The following PAM variants were observed in gnomAD, a reference collection of about 807,000 sequenced individuals.
PAM encodes the protein peptidyl-glycine alpha-amidating monooxygenase.
Under a neutral mutation model 122.1 loss-of-function variants are expected in PAM, and 72 were observed. That is an observed-to-expected ratio of 0.59 (90% CI 0.49 to 0.72). The LOEUF is 0.72. Ranked by LOEUF, PAM falls within the 30% of genes least tolerant of loss-of-function variation. The pLI is 0.00. For synonymous variants in PAM, 389 were observed against 404.4 expected (o/e 0.96, Z 0.46); for missense variants, 1,106 against 1,183.7 (o/e 0.93, Z 0.96).
intron 14 of PAM, among the ~76,000 whole-genome samples, chr5:102,966,293 G>A (rs941779273): frequency 2.6e-5 from 4 of 152,014 alleles, no homozygotes; most frequent in African/African-American, 4.8e-5. Flanking sequence ...TCCTAATAAC[G>A]GAATAGGCAG....
At chr5:102,839,551 A>G (rs1247209287) in intron 1 of PAM, among the ~76,000 whole-genome samples, 1 of 151,814 alleles carries the variant, frequency 6.6e-6, no homozygotes, top group East Asian at 1.9e-4. Flanking sequence ...AAAAAAAAAA[A>G]AAAAAATTGT....
chr5:102,978,682 C>A (rs1297319576), intron 15 of PAM, among the ~76,000 whole-genome samples: 3 of 151,974 alleles, frequency 2.0e-5, no homozygotes, highest in Non-Finnish European at 4.4e-5. Context: ...GTTTTTTCTT[C>A]ATTTCTATGA....
chr5:102,965,138 T>G (rs1763672975), intron 14 of PAM, among the ~76,000 whole-genome samples: 1 of 145,908 alleles, frequency 6.9e-6, no homozygotes, highest in African/African-American at 2.5e-5. Flanking sequence ...AATGAGGAAG[T>G]TCACACTGAT....
chr5:102,900,930 T>C (rs1277789392), intron 3 of PAM, among the ~76,000 whole-genome samples: 2 of 151,654 alleles, frequency 1.3e-5, no homozygotes, highest in East Asian at 3.9e-4. Flanking sequence ...TTTTATTCAT[T>C]GTACTTCTCT....
intron 4 of PAM, among the ~76,000 whole-genome samples, chr5:102,912,063 T>C (rs1330615110): frequency 6.6e-6 from 1 of 152,082 alleles, no homozygotes; most frequent in Non-Finnish European, 1.5e-5. Flanking sequence ...CCTGAATTTT[T>C]AGCGGGTGCT....
rs554308412 is a variant in PAM, at chr5:102,843,634, T to C, written c.-373-22189T>C. Among the ~76,000 whole-genome samples, 7 of 152,254 alleles carry C rather than the reference T, an allele frequency of 4.6e-5. No homozygotes were observed. The South Asian group carries it at 1.4e-3, about 32-fold the overall frequency. ...TCTGAGAAAGACCTTATGCCTATAG[T>C]ATGCAACAAGCTCTCAGAATTCAAC... On this transcript the variant is annotated intron_variant, in intron 1 of 25. Coordinates refer to ENST00000438793, the MANE Select transcript of PAM (RefSeq NM_001177306.2).
At chr5:102,957,586 T>A (rs1342900851) in intron 12 of PAM, among the ~76,000 whole-genome samples, 1 of 152,092 alleles carries the variant, frequency 6.6e-6, no homozygotes, top group Admixed American at 6.6e-5. Flanking sequence ...TGGAGTGCAG[T>A]GGCGTGAGAT....
chr5:102,896,405 C>T (rs1796229327), intron 3 of PAM, among the ~76,000 whole-genome samples: 1 of 151,712 alleles, frequency 6.6e-6, no homozygotes, highest in African/African-American at 2.4e-5. Context: ...AATTAGGCAG[C>T]ATCTATGATA....
chr5:102,818,907 T>C (rs1407680338), intron 1 of PAM, among the ~76,000 whole-genome samples: 2 of 152,170 alleles, frequency 1.3e-5, no homozygotes, highest in Non-Finnish European at 2.9e-5. Flanking sequence ...AATCTTTTCA[T>C]CATATTTGTG....
intron 4 of PAM, among the ~76,000 whole-genome samples, chr5:102,907,269 A>G (rs372307854): frequency 3.3e-5 from 5 of 151,814 alleles, no homozygotes; most frequent in East Asian, 1.9e-4. Flanking sequence ...ATGATTTCCA[A>G]TTTCATCCAT....
chr5:102,816,328 T>C (rs1392756014), intron 1 of PAM, among the ~76,000 whole-genome samples: 1 of 152,164 alleles, frequency 6.6e-6, no homozygotes, highest in Non-Finnish European at 1.5e-5. Flanking sequence ...TAAGGCATTC[T>C]CTGCCTCAAG....
At chr5:102,972,508 C>T (rs1582381882) in intron 14 of PAM, among the ~76,000 whole-genome samples, 1 of 152,218 alleles carries the variant, frequency 6.6e-6, no homozygotes, top group East Asian at 1.9e-4. Context: ...TCTCGAGCTC[C>T]TGGGCTCAAG....
At chr5:102,820,089 T>A (rs1247120445) in intron 1 of PAM, among the ~76,000 whole-genome samples, 1 of 152,226 alleles carries the variant, frequency 6.6e-6, no homozygotes, top group Admixed American at 6.5e-5. Flanking sequence ...ATTGTGTTTT[T>A]AAAAAATTCA....
chr5:102,939,004 G>T (rs957966193), intron 7 of PAM, among the ~76,000 whole-genome samples: 1 of 152,054 alleles, frequency 6.6e-6, no homozygotes, highest in African/African-American at 2.4e-5. Context: ...TCCATTTCCC[G>T]TTTAGTACTA....
intron 1 of PAM, among the ~76,000 whole-genome samples, chr5:102,758,798 G>A (rs913660367): frequency 6.6e-6 from 1 of 152,178 alleles, no homozygotes; most frequent in Non-Finnish European, 1.5e-5. Context: ...ATTGCTCTAT[G>A]ACTCAAGTAG....
At position 103,005,146 on chromosome 5, in the gene PAM, T is replaced by C. The variant is rs755415732; in HGVS notation, c.1731-8T>C. The stretch of plus-strand genomic sequence containing the variant: ...TGTGTAATTAACACAAATATTTTTA[T>C]TTTGCAGGTTTTACTTGCCACATGG... On this transcript the variant is annotated splice_region_variant and splice_polypyrimidine_tract_variant and intron_variant, in intron 17 of 25. Transcript: ENST00000438793. 13 of 1,503,478 alleles carry C rather than the reference T, an allele frequency of 8.6e-6. No individual in the cohort carries two copies. The Admixed American group carries it at 1.7e-4, about 19-fold the overall frequency. 93.1% of individuals were successfully genotyped at this position (1,503,478 alleles called of 1,614,324 possible).
intron 1 of PAM, among the ~76,000 whole-genome samples, chr5:102,859,590 G>T (rs1783577885): frequency 1.3e-5 from 2 of 152,022 alleles, no homozygotes; most frequent in Admixed American, 6.6e-5. Flanking sequence ...TATTATTGAA[G>T]AATATTTTTA....
intron 16 of PAM, among the ~76,000 whole-genome samples, chr5:102,990,669 C>G (rs1001205812): frequency 6.6e-6 from 1 of 152,120 alleles, no homozygotes; most frequent in African/African-American, 2.4e-5. Context: ...CCATTTTGCT[C>G]CCTCCTGTTA....
At chr5:102,766,926 A>ATTTTTTTTTTTTTTTTGTTTT (rs1754156440) in intron 1 of PAM, among the ~76,000 whole-genome samples, 1 of 25,830 alleles carries the variant, frequency 3.9e-5, no homozygotes. Flanking sequence ...TCAGTTGTGG[A>ATTTTTTTTTTTTTTTTGTTTT]TTTTTTTTTT....
Sources: gnomAD v4.1 joint callset for allele counts (sites outside exome capture counted in the v4.1 genomes callset) on GRCh38, gnomAD v4.1.1 for gene constraint, MANE v1.5 for transcripts, NCBI Gene and HGNC (gene_info 2026-07-23, HGNC 2026-07-21) for gene names.